Variants in CDH18 observed in about 807,000 individuals in gnomAD.
The protein encoded by CDH18 is cadherin-18.
CDH18 carries 31 observed loss-of-function variants against 67.9 expected under a neutral mutation model. That is an observed-to-expected ratio of 0.46 (90% CI 0.34 to 0.62). CDH18 has a LOEUF of 0.62. CDH18 is among the 20% of genes least tolerant of loss of function. The pLI is 0.01. For missense variants in CDH18, 890 were observed against 975.5 expected (o/e 0.91, Z 1.17); for synonymous variants, 362 against 347.2 (o/e 1.04, Z -0.48).
At chr5:20,150,698 A>G (rs1751027935) in intron 2 of CDH18, among the ~76,000 whole-genome samples, 1 of 152,042 alleles carries the variant, frequency 6.6e-6, no homozygotes, top group Non-Finnish European at 1.5e-5. Context: ...AAGACTGAAT[A>G]GCTGCCTATT....
intron 1 of CDH18, among the ~76,000 whole-genome samples, chr5:20,283,471 C>T (rs4866178): frequency 1 from 152,056 of 152,130 alleles, 75,992 homozygotes; most frequent in Middle Eastern, 1. Flanking sequence ...AAAGAAGACA[C>T]ACAAATGGAA....
chr5:19,472,798 T>C lies in CDH18; in HGVS notation c.*428A>G, dbSNP rs770297. 0.43 allele frequency among the ~76,000 whole-genome samples: 65,037 copies of C among 151,940 alleles called. 14,385 individuals are homozygous for C. Among genetic ancestry groups the C allele is most frequent in the African/African-American group, 0.52 (21,666 of 41,426 alleles). ...CACCCAGAAAAGTGATAAAAGAGGT[T>C]GTGATTACCTTCACAAGTTTCCTGT... On this transcript the variant is annotated 3_prime_UTR_variant, in exon 13 of 13. Transcript: ENST00000382275.
chr5:20,283,459 C>G (rs1201833319), intron 1 of CDH18, among the ~76,000 whole-genome samples: 1 of 151,648 alleles, frequency 6.6e-6, no homozygotes, highest in African/African-American at 2.4e-5. Context: ...AGACACATCT[C>G]AAAAGAAGAC....
chr5:20,426,825 T>C lies in CDH18; in HGVS notation c.-580+148637A>G, dbSNP rs551148687. Among the ~76,000 whole-genome samples, 8 of 151,310 alleles carry C rather than the reference T, an allele frequency of 5.3e-5. No individual in the cohort carries two copies. The South Asian group carries it at 1.4e-3, about 27-fold the overall frequency. Reference sequence around the variant, plus strand: ...CACCCCCTACCTTCTAATAGAAAGATAGGTTGCAAACAATTTGCAGGGCTG... The same window carrying C: ...CACCCCCTACCTTCTAATAGAAAGACAGGTTGCAAACAATTTGCAGGGCTG... On this transcript the variant is annotated intron_variant, in intron 1 of 14. Transcript: ENST00000507958.
Position 19,684,717 on chromosome 5 carries a change from A to C in CDH18, c.643+36630T>G, listed in dbSNP as rs190743342. 1.4e-3 allele frequency among the ~76,000 whole-genome samples: 210 copies of C among 152,166 alleles called. 3 individuals are homozygous for C. Among genetic ancestry groups the C allele is most frequent in the Admixed American group, 0.014 (207 of 15,250 alleles). ...GGATATATTTTTACTCTGAGAAATA[A>C]AAAGTGAATGAAAGAGAGAGGCAGA... is the stretch of plus-strand genomic sequence containing the variant. On this transcript the variant is annotated intron_variant, in intron 5 of 12. Coordinates refer to ENST00000382275, the MANE Select transcript of CDH18 (RefSeq NM_004934.5).
intron 6 of CDH18, among the ~76,000 whole-genome samples, chr5:19,608,903 T>C (rs350676): frequency 0.65 from 99,226 of 151,524 alleles, 32,907 homozygotes; most frequent in South Asian, 0.76. Context: ...AGATGACTTA[T>C]CTTACAAGAG....
chr5:19,538,976 A>G (rs186618986), intron 9 of CDH18, among the ~76,000 whole-genome samples: 150 of 152,308 alleles, frequency 9.8e-4, no homozygotes, highest in East Asian at 1.2e-3. Flanking sequence ...AAAACAGAAT[A>G]TATTAGAAAA....
At chr5:20,083,403 AT>A (rs766252223) in intron 2 of CDH18, among the ~76,000 whole-genome samples, 6 of 151,676 alleles carry the variant, frequency 4.0e-5, no homozygotes, top group African/African-American at 1.2e-4. Flanking sequence ...CATTTTGTTT[AT>A]TTTTTTTAAC....
Position 19,497,111 on chromosome 5 carries a change from A to T in CDH18, c.1630+5881T>A, listed in dbSNP as rs1399266910. Among the ~76,000 whole-genome samples the T allele has an allele frequency of 3.9e-5, 6 of 152,064 alleles. No homozygotes were observed. The East Asian group carries it at 1.2e-3, about 29-fold the overall frequency. On this transcript the variant is annotated intron_variant, in intron 11 of 12. Transcript: ENST00000382275. Reference sequence around the variant, plus strand: ...GACCATGTGTTCCAGTCCTGTCTCCACTTTCCCCTACCCCCACCAGGACAA... The same window carrying T: ...GACCATGTGTTCCAGTCCTGTCTCCTCTTTCCCCTACCCCCACCAGGACAA...
At chr5:20,352,774 T>TAG (rs921508475) in intron 1 of CDH18, among the ~76,000 whole-genome samples, 2 of 151,972 alleles carry the variant, frequency 1.3e-5, no homozygotes, top group Non-Finnish European at 1.5e-5. Flanking sequence ...GCCTGGGCGA[T>TAG]AGAGAGAGAC....
intron 12 of CDH18, among the ~76,000 whole-genome samples, chr5:19,475,171 G>A (rs559146129): frequency 6.6e-5 from 10 of 151,262 alleles, no homozygotes; most frequent in East Asian, 3.9e-4. Context: ...TCAATTAAAC[G>A]TGAATTTGAG....
intron 2 of CDH18, among the ~76,000 whole-genome samples, chr5:19,862,376 A>C (rs1784998742): frequency 6.6e-6 from 1 of 152,168 alleles, no homozygotes; most frequent in Admixed American, 6.5e-5. Flanking sequence ...AGGAAACTGT[A>C]TCAACTGTTC....
intron 2 of CDH18, among the ~76,000 whole-genome samples, chr5:20,249,276 T>C (rs1234675938): frequency 6.6e-6 from 1 of 152,118 alleles, no homozygotes; most frequent in South Asian, 2.1e-4. Context: ...GTATAAATTA[T>C]GTACTGACAT....
intron 1 of CDH18, among the ~76,000 whole-genome samples, chr5:20,368,453 T>A (rs545256227): frequency 6.6e-6 from 1 of 152,138 alleles, no homozygotes; most frequent in Non-Finnish European, 1.5e-5. Context: ...AATTCCATAG[T>A]ACACAATGCA....
intron 1 of CDH18, among the ~76,000 whole-genome samples, chr5:20,341,721 C>A (rs183579311): frequency 6.6e-6 from 1 of 151,840 alleles, no homozygotes; most frequent in Non-Finnish European, 1.5e-5. Context: ...CTGAAGTTGG[C>A]TGCTTAATGT....
At chr5:19,707,121 C>T (rs572922140) in intron 5 of CDH18, among the ~76,000 whole-genome samples, 10 of 152,124 alleles carry the variant, frequency 6.6e-5, no homozygotes, top group Non-Finnish European at 1.2e-4. Context: ...ACATCTAAAG[C>T]CGTACTATGA....
chr5:19,937,784 C>T (rs1794431561), intron 2 of CDH18, among the ~76,000 whole-genome samples: 1 of 150,636 alleles, frequency 6.6e-6, no homozygotes, highest in Non-Finnish European at 1.5e-5. Context: ...AAAAAAATTT[C>T]AGCAGTTATA....
chr5:19,868,416 C>A (rs898013472), intron 2 of CDH18, among the ~76,000 whole-genome samples: 66 of 152,220 alleles, frequency 4.3e-4, no homozygotes, highest in African/African-American at 1.4e-3. Context: ...CTATAAAAAT[C>A]TGTCATTCTC....
At chr5:19,807,632 A>G (rs1034687241) in intron 3 of CDH18, among the ~76,000 whole-genome samples, 1 of 152,056 alleles carries the variant, frequency 6.6e-6, no homozygotes, top group African/African-American at 2.4e-5. Flanking sequence ...ACTTCTTTCC[A>G]TCTCAGGATT....
Sources: allele counts gnomAD v4.1 joint callset (sites outside exome capture counted in the v4.1 genomes callset), GRCh38; gene constraint gnomAD v4.1.1; transcripts MANE v1.5; gene names NCBI Gene and HGNC (gene_info 2026-07-23, HGNC 2026-07-21).